AAK1: variants seen among roughly 807,000 people sequenced by gnomAD.
AAK1 encodes AP2-associated protein kinase 1.
In AAK1, 37 loss-of-function variants were observed where a neutral mutation model predicts 116.0. The observed-to-expected ratio is 0.32, with a 90% confidence interval of 0.25 to 0.42. The LOEUF (loss-of-function observed/expected upper bound fraction) is 0.42. Ranked by LOEUF, AAK1 falls within the 10% of genes least tolerant of loss-of-function variation. The probability of loss-of-function intolerance (pLI) is 1.00; values close to 1 mark genes in which losing one functional copy is unlikely to be tolerated. For synonymous variants in AAK1, 458 were observed against 439.9 expected (o/e 1.04, Z -0.51); for missense variants, 919 against 1,170.6 (o/e 0.79, Z 3.14).
At chr2:69,544,114 A>C in intron 4 of AAK1, 1 of 222,016 alleles carries the variant, frequency 4.5e-6, no homozygotes, top group Non-Finnish European at 9.0e-6. Flanking sequence ...ATCCATCTGG[A>C]GTTCAGCCTT....
chr2:69,606,839 G>T (rs1031554366), intron 2 of AAK1, among the ~76,000 whole-genome samples: 1 of 152,142 alleles, frequency 6.6e-6, no homozygotes, highest in Non-Finnish European at 1.5e-5. Flanking sequence ...ACCTAAGCGG[G>T]AGGACTGCTT....
intron 16 of AAK1, among the ~76,000 whole-genome samples, chr2:69,500,698 TACAC>T (rs563907265): frequency 0.022 from 1,421 of 64,860 alleles, 32 homozygotes; most frequent in Non-Finnish European, 0.03. Context: ...TATATATATA[TACAC>T]ACACACACAC....
intron 2 of AAK1, among the ~76,000 whole-genome samples, chr2:69,563,089 A>T (rs1276988799): frequency 3.3e-5 from 5 of 152,260 alleles, no homozygotes; most frequent in Non-Finnish European, 7.4e-5. Context: ...ATAAAGACAA[A>T]GATTTAAACA....
chr2:69,509,718 G>A (rs1301418305), intron 13 of AAK1, among the ~76,000 whole-genome samples: 1 of 152,084 alleles, frequency 6.6e-6, no homozygotes, highest in Non-Finnish European at 1.5e-5. Flanking sequence ...ATAATATATA[G>A]GGTAACCATA....
chr2:69,531,794 A>T (rs745574539), intron 6 of AAK1: 891 of 1,226,574 alleles, frequency 7.3e-4, no homozygotes, highest in Non-Finnish European at 8.8e-4. Flanking sequence ...ACATCTATGT[A>T]CAATGACCAC....
Position 69,643,228 on chromosome 2 carries a change from C to T in AAK1, c.-188G>A. 7.8e-6 allele frequency: 11 copies of T among 1,409,576 alleles called. No individual in the cohort carries two copies. Among genetic ancestry groups the T allele is most frequent in the Non-Finnish European group, 1.0e-5 (11 of 1,089,320 alleles). The allele number at this position is 1,409,576 out of a possible 1,614,324, so 87.3% of individuals were successfully genotyped here. Reference sequence around the variant, plus strand: ...TATAGGAATATGCGTGTCAATCGCGCAGCGGGTCCCCTCCTCCTCCAGAAA... The same window carrying T: ...TATAGGAATATGCGTGTCAATCGCGTAGCGGGTCCCCTCCTCCTCCAGAAA... On this transcript the variant is annotated 5_prime_UTR_variant, in exon 2 of 22. Transcript: ENST00000409085.
At chr2:69,620,647 T>G (rs377608660) in intron 2 of AAK1, among the ~76,000 whole-genome samples, 1 of 152,176 alleles carries the variant, frequency 6.6e-6, no homozygotes, top group Admixed American at 6.5e-5. Context: ...CCTCTTTACT[T>G]CCAACTTTTT....
intron 2 of AAK1, among the ~76,000 whole-genome samples, chr2:69,641,768 A>G (rs1202258247): frequency 1.3e-5 from 2 of 152,026 alleles, no homozygotes; most frequent in Non-Finnish European, 2.9e-5. Flanking sequence ...GCCCCTTTTT[A>G]AAGAGGCCTC....
chr2:69,574,240 G>A (rs1200879244), intron 2 of AAK1, among the ~76,000 whole-genome samples: 1 of 151,474 alleles, frequency 6.6e-6, no homozygotes, highest in Non-Finnish European at 1.5e-5. Flanking sequence ...GTATAGTGGT[G>A]CACACCTGTA....
intron 17 of AAK1, among the ~76,000 whole-genome samples, chr2:69,494,398 C>T (rs1315820334): frequency 6.6e-6 from 1 of 152,190 alleles, no homozygotes; most frequent in Non-Finnish European, 1.5e-5. Context: ...ATCCAGAGGA[C>T]TCCTGTGACA....
intron 2 of AAK1, among the ~76,000 whole-genome samples, chr2:69,558,743 T>G: frequency 6.6e-6 from 1 of 152,138 alleles, no homozygotes; most frequent in East Asian, 1.9e-4. Flanking sequence ...TAGTACTGGG[T>G]TAGGAGCCAC....
At chr2:69,540,121 C>CT (rs538276702) in intron 5 of AAK1, among the ~76,000 whole-genome samples, 7,463 of 127,748 alleles carry the variant, frequency 0.058, 798 homozygotes, top group African/African-American at 0.15. Flanking sequence ...CCCCACTTGC[C>CT]TTTTTTTTTT....
chr2:69,564,855 T>C (rs1397309128), intron 2 of AAK1, among the ~76,000 whole-genome samples: 3 of 152,074 alleles, frequency 2.0e-5, no homozygotes, highest in Non-Finnish European at 4.4e-5. Context: ...CCCCCACTCC[T>C]ACCTCAAAGC....
At chr2:69,554,865 C>G (rs2312213) in intron 3 of AAK1, among the ~76,000 whole-genome samples, 83,210 of 152,170 alleles carry the variant, frequency 0.55, 25,372 homozygotes, top group African/African-American at 0.79. Flanking sequence ...GCTAATACGC[C>G]TCTGGGCCAA....
At chr2:69,592,817 T>A (rs1244420737) in intron 2 of AAK1, among the ~76,000 whole-genome samples, 1 of 152,242 alleles carries the variant, frequency 6.6e-6, no homozygotes, top group Admixed American at 6.5e-5. Flanking sequence ...TTTCTTCACA[T>A]TCATGAAGAC....
intron 16 of AAK1, among the ~76,000 whole-genome samples, chr2:69,500,664 A>AATATAT (rs34635707): frequency 0.011 from 646 of 60,718 alleles, 24 homozygotes; most frequent in South Asian, 0.029. Flanking sequence ...AGTCCCTTAA[A>AATATAT]ATATATATAT....
intron 5 of AAK1, among the ~76,000 whole-genome samples, chr2:69,535,203 T>C (rs1453531555): frequency 6.6e-6 from 1 of 152,226 alleles, no homozygotes; most frequent in East Asian, 1.9e-4. Context: ...AAAGCTGTTA[T>C]ACCATACATT....
chr2:69,589,837 A>G (rs1672954919), intron 2 of AAK1, among the ~76,000 whole-genome samples: 1 of 152,160 alleles, frequency 6.6e-6, no homozygotes, highest in Non-Finnish European at 1.5e-5. Context: ...AGGTACAGAT[A>G]ACAAAGTACC....
chr2:69,514,795 T>C (rs768144224), intron 12 of AAK1, 46 bp from the exon 13 acceptor site: 62 of 1,499,400 alleles, frequency 4.1e-5, no homozygotes, highest in South Asian at 6.9e-5. Context: ...CCCAGAATAA[T>C]AGTCACAAAA....
Sources: gnomAD v4.1 joint callset for allele counts (sites outside exome capture counted in the v4.1 genomes callset) on GRCh38, gnomAD v4.1.1 for gene constraint, MANE v1.5 for transcripts, NCBI Gene and HGNC (gene_info 2026-07-23, HGNC 2026-07-21) for gene names.